RSRC1: variants seen among roughly 807,000 people sequenced by gnomAD.
RSRC1 encodes serine/Arginine-related protein 53.
A neutral mutation model predicts 49.1 loss-of-function variants in RSRC1; 39 were observed. The observed-to-expected ratio is 0.79, with a 90% CI of 0.61 to 1.04. The LOEUF (loss-of-function observed/expected upper bound fraction) is 1.04. RSRC1 is among the 50% of genes least tolerant of loss of function. The pLI is 0.00. For synonymous variants in RSRC1, 143 were observed against 130.8 expected (o/e 1.09, Z -0.63); for missense variants, 388 against 402.4 (o/e 0.96, Z 0.31).
chr3:158,140,373 T>C (rs1247148629), intron 3 of RSRC1, among the ~76,000 whole-genome samples: 3 of 152,208 alleles, frequency 2.0e-5, no homozygotes, highest in Admixed American at 6.5e-5. Context: ...TTATATAAAA[T>C]AGACTTAGGT....
At chr3:158,288,962 A>G (rs1385027923) in intron 4 of RSRC1, among the ~76,000 whole-genome samples, 1 of 151,048 alleles carries the variant, frequency 6.6e-6, no homozygotes, top group African/African-American at 2.4e-5. Flanking sequence ...TAAGGCATAG[A>G]TACCATATTT....
In RSRC1 at chr3:158,357,898, A is replaced by G. The variant is rs760588400; in HGVS notation, c.583+2990A>G. Among the ~76,000 whole-genome samples the G allele has an allele frequency of 7.3e-4, 111 of 152,340 alleles. 1 individual carries two copies. The highest frequency in any genetic ancestry group is 6.8e-3 in the Middle Eastern group (2 of 294). On this transcript the variant is annotated intron_variant, in intron 6 of 9. Coordinates refer to ENST00000611884, the MANE Select transcript of RSRC1 (RefSeq NM_001271838.2). ...AGCCTTACAAGCAGCATAACTTGAT[A>G]GATAAGGTTAATATGTAGAAATCCT...
chr3:158,431,537 G>T (rs748034955), intron 6 of RSRC1, among the ~76,000 whole-genome samples: 1 of 151,736 alleles, frequency 6.6e-6, no homozygotes, highest in Admixed American at 6.6e-5. Flanking sequence ...TAATGAAGAC[G>T]TGTAGTACTA....
chr3:158,250,516 G>T (rs756103856), intron 4 of RSRC1, among the ~76,000 whole-genome samples: 5 of 152,202 alleles, frequency 3.3e-5, no homozygotes, highest in Admixed American at 6.5e-5. Context: ...TTTTAACTGG[G>T]GTGAGATAAT....
chr3:158,458,537 A>T lies in RSRC1; in HGVS notation c.584-2398A>T, dbSNP rs560903566. On this transcript the variant is annotated intron_variant, in intron 6 of 9. Transcript: ENST00000611884. ...AATAGAAATGACTTTCTTGGCGTCCAGGGTGGGTAGTGAAGGAAGCGAAGC... is the reference window on the plus strand; with the variant it reads ...AATAGAAATGACTTTCTTGGCGTCCTGGGTGGGTAGTGAAGGAAGCGAAGC... Among the ~76,000 whole-genome samples, 6 of 152,310 alleles carry T rather than the reference A, an allele frequency of 3.9e-5. No homozygotes were observed. The South Asian group carries it at 1.2e-3, about 32-fold the overall frequency.
chr3:158,438,976 A>G (rs1736213937), intron 6 of RSRC1, among the ~76,000 whole-genome samples: 1 of 152,080 alleles, frequency 6.6e-6, no homozygotes. Flanking sequence ...TATAAGAAAA[A>G]AACAACCCCA....
At chr3:158,329,932 G>A (rs1025913662) in intron 5 of RSRC1, among the ~76,000 whole-genome samples, 1 of 152,188 alleles carries the variant, frequency 6.6e-6, no homozygotes, top group African/African-American at 2.4e-5. Context: ...CCTCAGCAGC[G>A]GTGGGCACCC....
intron 3 of RSRC1, among the ~76,000 whole-genome samples, chr3:158,149,570 T>C (rs1336416000): frequency 6.6e-6 from 1 of 152,196 alleles, no homozygotes; most frequent in Non-Finnish European, 1.5e-5. Flanking sequence ...GCACATTCAC[T>C]TATTCGTATT....
chr3:158,169,483 A>C (rs9857883), intron 3 of RSRC1, among the ~76,000 whole-genome samples: 58,334 of 151,934 alleles, frequency 0.38, 12,054 homozygotes, highest in East Asian at 0.65. Flanking sequence ...GAATGCTGCA[A>C]ACCCTTTATG....
rs1485762587 is a variant in RSRC1, at chr3:158,477,798, T to TTTTATA, written c.652+16796_652+16797insTTATAT. Among the ~76,000 whole-genome samples, 177 of 89,764 alleles carry TTTTATA rather than the reference T, an allele frequency of 2.0e-3. 13 individuals are homozygous for TTTTATA. The highest frequency in any genetic ancestry group is 0.016 in the South Asian group (38 of 2,406). The allele number at this position is 89,764 out of a possible 152,430, so 58.9% of individuals were successfully genotyped here. Reference sequence around the variant, plus strand: ...TGATGGGATAGGTTGCGGGAGGGATTTATATATATATATATATATATATAT... The same window carrying TTTTATA: ...TGATGGGATAGGTTGCGGGAGGGATTTTTATATATATATATATATATATATATATAT... On this transcript the variant is annotated intron_variant, in intron 7 of 9. Coordinates refer to ENST00000611884, the MANE Select transcript of RSRC1 (RefSeq NM_001271838.2).
rs1712918990 is a variant in RSRC1 at position 158,539,586 on chromosome 3, G to A, written c.759+2388G>A. Among the ~76,000 whole-genome samples the A allele has an allele frequency of 6.6e-6, 1 of 151,952 alleles. No homozygotes were observed. The highest frequency in any genetic ancestry group is 2.1e-4 in the South Asian group (1 of 4,824). On this transcript the variant is annotated intron_variant, in intron 8 of 9. Transcript: ENST00000611884. This position sits in a 1 kb window ranked among gnomAD's most constrained non-coding sequence, Gnocchi z 4.1. Reference sequence around the variant, plus strand: ...TTGGCCTACTTGGAAGTAGATTTTAGTACTAATTTTTACAAACTAAACCAC... The same window carrying A: ...TTGGCCTACTTGGAAGTAGATTTTAATACTAATTTTTACAAACTAAACCAC...
intron 6 of RSRC1, among the ~76,000 whole-genome samples, chr3:158,417,215 G>A (rs1441672053): frequency 6.6e-6 from 1 of 152,020 alleles, no homozygotes; most frequent in Non-Finnish European, 1.5e-5. Context: ...TACCAGTGCA[G>A]TTGGAATAGA....
intron 7 of RSRC1, among the ~76,000 whole-genome samples, chr3:158,505,684 A>G (rs1739828274): frequency 6.6e-6 from 1 of 151,978 alleles, no homozygotes; most frequent in East Asian, 1.9e-4. Context: ...ATAGAAGTTC[A>G]TAGAAGGTTT....
At chr3:158,448,663 C>T (rs1736861042) in intron 6 of RSRC1, among the ~76,000 whole-genome samples, 1 of 151,736 alleles carries the variant, frequency 6.6e-6, no homozygotes, top group Admixed American at 6.6e-5. Context: ...TGAATTAGAC[C>T]AGCACATCTG....
At chr3:158,291,268 G>A (rs1338145849) in intron 4 of RSRC1, among the ~76,000 whole-genome samples, 1 of 152,090 alleles carries the variant, frequency 6.6e-6, no homozygotes. Context: ...TAATACATTA[G>A]TGATTATAAT....
rs553647967 is a variant in RSRC1, at chr3:158,220,018, A to G, written c.494+16773A>G. 7.1e-4 allele frequency among the ~76,000 whole-genome samples: 108 copies of G among 151,596 alleles called. 1 individual carries two copies. Among genetic ancestry groups the G allele is most frequent in the Non-Finnish European group, 7.1e-4 (48 of 67,734 alleles). ...CTAAAGTCTTGTAGACCTGCCTTTAAGTCCAACTCTTTCATTTACTAGCTG... is the reference window on the plus strand; with the variant it reads ...CTAAAGTCTTGTAGACCTGCCTTTAGGTCCAACTCTTTCATTTACTAGCTG... On this transcript the variant is annotated intron_variant, in intron 4 of 9. Transcript: ENST00000611884.
At chr3:158,509,802 T>C (rs1740057467) in intron 7 of RSRC1, among the ~76,000 whole-genome samples, 1 of 152,228 alleles carries the variant, frequency 6.6e-6, no homozygotes, top group Non-Finnish European at 1.5e-5. Flanking sequence ...TATAATATTC[T>C]ATTTTTAGAC....
At chr3:158,444,573 A>G (rs960906566) in intron 6 of RSRC1, among the ~76,000 whole-genome samples, 2 of 152,196 alleles carry the variant, frequency 1.3e-5, no homozygotes, top group African/African-American at 4.8e-5. Context: ...AAACCTAGGC[A>G]ATACCATTCA....
intron 5 of RSRC1, among the ~76,000 whole-genome samples, chr3:158,342,108 A>G (rs59344326): frequency 0.073 from 11,142 of 152,070 alleles, 477 homozygotes; most frequent in South Asian, 0.12. Flanking sequence ...AGGCGGAAGG[A>G]ATTTGCTTTG....
Sources: gnomAD v4.1 joint callset for allele counts (sites outside exome capture counted in the v4.1 genomes callset) on GRCh38, gnomAD v4.1.1 for gene constraint, Gnocchi (gnomAD v3.1) non-coding constraint, MANE v1.5 for transcripts, NCBI Gene and HGNC (gene_info 2026-07-23, HGNC 2026-07-21) for gene names.